Variants in EMILIN2 observed in about 807,000 individuals in gnomAD.
EMILIN2 encodes the protein elastin microfibril interfacer 2.
Under a neutral mutation model 87.1 loss-of-function variants are expected in EMILIN2, and 71 were observed. The ratio of observed to expected loss-of-function variants is 0.82; its 90% CI spans 0.67 to 0.99. The LOEUF (loss-of-function observed/expected upper bound fraction) is 0.99, where lower values mean the gene tolerates loss of function less well. EMILIN2 is among the 50% of genes least tolerant of loss of function. The probability of loss-of-function intolerance (pLI) is 0.00; values close to 1 mark genes in which losing one functional copy is unlikely to be tolerated. For synonymous variants in EMILIN2, 581 were observed against 563.4 expected (o/e 1.03, Z -0.44); for missense variants, 1,407 against 1,371.8 (o/e 1.03, Z -0.40).
At position 2,888,730 on chromosome 18, in the gene EMILIN2, A is replaced by AG. The variant is rs1555668427; in HGVS notation, c.434-1831_434-1830insG. On this transcript the variant is annotated intron_variant, in intron 3 of 7. Coordinates refer to ENST00000254528, the MANE Select transcript of EMILIN2 (RefSeq NM_032048.3). The stretch of plus-strand genomic sequence containing the variant: ...ATTCTGTCTCAAAAAAAAAAAAAAA[A>AG]AGAGAGAGAGAGAGAATAAATATTT... 4.4e-4 allele frequency among the ~76,000 whole-genome samples: 66 copies of AG among 149,090 alleles called. No homozygotes were observed. In the East Asian group the frequency reaches 5.6e-3, roughly 13 times the overall value.
chr18:2,862,691 T>G lies in EMILIN2; in HGVS notation c.257+14760T>G, dbSNP rs149859973. On this transcript the variant is annotated intron_variant, in intron 2 of 7. Coordinates refer to ENST00000254528, the MANE Select transcript of EMILIN2 (RefSeq NM_032048.3). Reference sequence around the variant, plus strand: ...TTGGTCTAAAATTCTCTTTTTTTTGTTGTGTCTCTGCCAGGTTTTGGTATC... The same window carrying G: ...TTGGTCTAAAATTCTCTTTTTTTTGGTGTGTCTCTGCCAGGTTTTGGTATC... 3.8e-3 allele frequency among the ~76,000 whole-genome samples: 572 copies of G among 152,314 alleles called. 8 individuals carry two copies. Among genetic ancestry groups the G allele is most frequent in the African/African-American group, 0.013 (529 of 41,570 alleles).
intron 4 of EMILIN2, among the ~76,000 whole-genome samples, chr18:2,893,466 T>TG (rs2144043899): frequency 6.6e-6 from 1 of 152,324 alleles, no homozygotes; most frequent in East Asian, 1.9e-4. Context: ...GCAGTAGTGC[T>TG]GAGAGCAATG....
chr18:2,883,298 C>G (rs1428158707), intron 2 of EMILIN2, among the ~76,000 whole-genome samples: 1 of 152,108 alleles, frequency 6.6e-6, no homozygotes, highest in African/African-American at 2.4e-5. Context: ...TGCCACAGGG[C>G]TGGTGCTTGG....
chr18:2,913,261 G>A lies in EMILIN2; in HGVS notation c.3019G>A (p.Ala1007Thr), dbSNP rs2076951083. 2 of 1,613,712 alleles carry A rather than the reference G, an allele frequency of 1.2e-6. No homozygotes were observed. Among genetic ancestry groups the A allele is most frequent in the African/African-American group, 2.7e-5 (2 of 74,930 alleles). The change falls in exon 8 of 8, where the codon GCA (alanine) becomes ACA (threonine). Residue 1007 changes from alanine to threonine, a missense_variant. Physicochemically the swap from Ala to Thr is moderately conservative, Grantham distance 58. Transcript: ENST00000254528. ...TTTGCATACCTGCGGGGGCCCGGGG[G>A]CATTCCACCTCATCGTGCACCTGAA... ...GALHTCGGPG[A>T]FHLIVHLKAG... is the part of the protein sequence containing the mutation.
intron 2 of EMILIN2, among the ~76,000 whole-genome samples, chr18:2,866,805 T>C (rs960659557): frequency 1.4e-4 from 22 of 152,230 alleles, no homozygotes; most frequent in African/African-American, 5.3e-4. Flanking sequence ...TCAACTTTTC[T>C]CTGTTCAGTA....
At chr18:2,900,026 C>T (rs1304951510) in intron 4 of EMILIN2, among the ~76,000 whole-genome samples, 1 of 152,142 alleles carries the variant, frequency 6.6e-6, no homozygotes, top group African/African-American at 2.4e-5. Context: ...TTAGCCCTAT[C>T]CCACGAGTTT....
rs568200722 is a variant in EMILIN2, at chr18:2,868,614, C to T, written c.258-16350C>T. ...CTGGAGACCAGCCCGGCCAACACAGCGAAACCCCGTCTCCACCAAAAAAAT... is the reference window on the plus strand; with the variant it reads ...CTGGAGACCAGCCCGGCCAACACAGTGAAACCCCGTCTCCACCAAAAAAAT... On this transcript the variant is annotated intron_variant, in intron 2 of 7. Coordinates refer to ENST00000254528, the MANE Select transcript of EMILIN2 (RefSeq NM_032048.3). Among the ~76,000 whole-genome samples the T allele has an allele frequency of 1.1e-4, 17 of 152,362 alleles. No homozygotes were observed. The South Asian group carries it at 1.2e-3, about 11-fold the overall frequency.
chr18:2,870,101 C>T (rs1302221308), intron 2 of EMILIN2, among the ~76,000 whole-genome samples: 6 of 151,884 alleles, frequency 4.0e-5, no homozygotes, highest in Middle Eastern at 3.2e-3. Context: ...ATTAGCTGGG[C>T]GTGGTGGTGC....
At position 2,847,119 on chromosome 18, in the gene EMILIN2, C is replaced by G. The variant is rs932594712; in HGVS notation, c.-70C>G. 6.2e-5 allele frequency: 66 copies of G among 1,070,736 alleles called. No homozygotes were observed. Among genetic ancestry groups the G allele is most frequent in the Non-Finnish European group, 7.2e-5 (64 of 883,058 alleles). The allele number at this position is 1,070,736 out of a possible 1,614,324, so 66.3% of individuals were successfully genotyped here. ...CGGGCGGCGCCCTGGCCGCCGGCAG[C>G]CTTGTGGCCGGTGCCCCGATCCGCC... On this transcript the variant is annotated 5_prime_UTR_variant, in exon 1 of 8. Transcript: ENST00000254528. The surrounding 1 kb of genome is among the most constrained non-coding windows in gnomAD (Gnocchi z 4.5).
intron 2 of EMILIN2, among the ~76,000 whole-genome samples, chr18:2,854,020 G>A (rs1443053693): frequency 1.3e-5 from 2 of 152,188 alleles, no homozygotes; most frequent in African/African-American, 4.8e-5. Flanking sequence ...GCTTTGGGAG[G>A]TGTCTGGTCC....
intron 2 of EMILIN2, among the ~76,000 whole-genome samples, chr18:2,860,378 C>A (rs2076654572): frequency 6.6e-6 from 1 of 152,148 alleles, no homozygotes; most frequent in Non-Finnish European, 1.5e-5. Context: ...CTAATGCTAT[C>A]CCTCCCACTT....
chr18:2,873,061 A>AC (rs1568462822), intron 2 of EMILIN2, among the ~76,000 whole-genome samples: 3 of 145,224 alleles, frequency 2.1e-5, no homozygotes, highest in African/African-American at 8.1e-5. Context: ...AAAAAAAAAA[A>AC]CAAAACCAAA....
At chr18:2,878,623 C>T (rs1457069236) in intron 2 of EMILIN2, among the ~76,000 whole-genome samples, 1 of 152,174 alleles carries the variant, frequency 6.6e-6, no homozygotes, top group East Asian at 1.9e-4. Context: ...CCGGGTAACC[C>T]AACCCAGTCT....
intron 3 of EMILIN2, among the ~76,000 whole-genome samples, chr18:2,889,769 C>T (rs945458795): frequency 8.8e-5 from 13 of 147,884 alleles, no homozygotes; most frequent in Non-Finnish European, 1.5e-4. Context: ...CCTGGGCTCA[C>T]GCCATCTTCC....
In EMILIN2 at chr18:2,915,002, GAA is replaced by G. The variant is rs2076959545; in HGVS notation, c.*1601_*1602del. ...CGCCCCAGTGCAGCAGTGTTTTCAG[GAA>G]AACCCAGTGGGCACGCGCCATCGCC... On this transcript the variant is annotated 3_prime_UTR_variant, in exon 8 of 8. Coordinates refer to ENST00000254528, the MANE Select transcript of EMILIN2 (RefSeq NM_032048.3). 6.6e-6 allele frequency: 1 copy of G among 152,254 alleles called. No individual in the cohort carries two copies. Among genetic ancestry groups the G allele is most frequent in the Admixed American group, 6.5e-5 (1 of 15,278 alleles). The allele number at this position is 152,254 out of a possible 1,614,324, so 9.4% of individuals were successfully genotyped here.
At chr18:2,867,933 A>T (rs1412891893) in intron 2 of EMILIN2, among the ~76,000 whole-genome samples, 2 of 151,580 alleles carry the variant, frequency 1.3e-5, no homozygotes, top group Non-Finnish European at 2.9e-5. Flanking sequence ...GCGGCCGGGC[A>T]GAGGCGCCCC....
intron 4 of EMILIN2, among the ~76,000 whole-genome samples, chr18:2,905,376 G>A (rs1014989989): frequency 5.3e-5 from 8 of 151,604 alleles, no homozygotes; most frequent in African/African-American, 1.9e-4. Flanking sequence ...TATGTGTACA[G>A]AGTAGATATA....
At chr18:2,911,245 T>C (rs2076939348) in intron 7 of EMILIN2, among the ~76,000 whole-genome samples, 1 of 152,178 alleles carries the variant, frequency 6.6e-6, no homozygotes, top group South Asian at 2.1e-4. Context: ...GATTCTTCCC[T>C]TGGGGGGCCG....
intron 2 of EMILIN2, among the ~76,000 whole-genome samples, chr18:2,875,754 G>A (rs2076744428): frequency 6.6e-6 from 1 of 152,194 alleles, no homozygotes; most frequent in South Asian, 2.1e-4. Context: ...AGGAAGGTAC[G>A]GCTCTCCTAG....
Sources: allele counts gnomAD v4.1 joint callset (sites outside exome capture counted in the v4.1 genomes callset), GRCh38; gene constraint gnomAD v4.1.1; non-coding constraint Gnocchi (gnomAD v3.1); transcripts MANE v1.5; gene names NCBI Gene and HGNC (gene_info 2026-07-23, HGNC 2026-07-21).